The following PCSK6 variants were observed in gnomAD, a reference collection of about 807,000 sequenced individuals.
The protein encoded by PCSK6 is paired basic amino acid cleaving enzyme 4.
Under a neutral mutation model 123.3 loss-of-function variants are expected in PCSK6, and 85 were observed. That is an observed-to-expected ratio of 0.69 (90% CI 0.58 to 0.83). PCSK6 has a LOEUF of 0.83. PCSK6 is among the 40% of genes least tolerant of loss of function. The probability of loss-of-function intolerance (pLI) is 0.00; values close to 1 mark genes in which losing one functional copy is unlikely to be tolerated. For synonymous variants in PCSK6, 508 were observed against 516.0 expected, an observed-to-expected ratio of 0.98 and a Z score of 0.21; for missense variants, 1,191 against 1,282.3, an observed-to-expected ratio of 0.93 and a Z score of 1.09.
In PCSK6 at chr15:101,304,838, G is replaced by T; in HGVS notation, c.*420C>A. The T allele has an allele frequency of 5.8e-6, 1 of 173,026 alleles. No individual in the cohort carries two copies. The highest frequency in any genetic ancestry group is 1.2e-5 in the Non-Finnish European group (1 of 80,442). 10.7% of individuals were successfully genotyped at this position (173,026 alleles called of 1,614,324 possible). A position where few individuals can be genotyped will look rare whatever the true frequency, so the allele number is the denominator to read the frequency against. ...TTTGTCACATGTGAGGATGGCCCAG[G>T]GTTCGCCAGCTGGGCCGGGGAGATT... On this transcript the variant is annotated 3_prime_UTR_variant, in exon 22 of 22. Transcript: ENST00000611716.
At chr15:101,468,804 A>G (rs1352918402) in intron 1 of PCSK6, among the ~76,000 whole-genome samples, 2 of 152,230 alleles carry the variant, frequency 1.3e-5, no homozygotes, top group Non-Finnish European at 2.9e-5. Context: ...CCCGTCAGGC[A>G]AGGAGACAGA....
At chr15:101,468,320 G>A (rs761612822) in intron 1 of PCSK6, among the ~76,000 whole-genome samples, 1 of 152,084 alleles carries the variant, frequency 6.6e-6, no homozygotes, top group Non-Finnish European at 1.5e-5. Flanking sequence ...AGCCCTGGAT[G>A]GTCCATCTTC....
chr15:101,335,762 T>C (rs571783249), intron 13 of PCSK6, among the ~76,000 whole-genome samples: 1 of 152,328 alleles, frequency 6.6e-6, no homozygotes, highest in South Asian at 2.1e-4. Context: ...GTAGCTTAAC[T>C]ATGGGGATAC....
At chr15:101,327,679 C>T (rs975034221) in intron 15 of PCSK6, among the ~76,000 whole-genome samples, 1 of 152,190 alleles carries the variant, frequency 6.6e-6, no homozygotes, top group Admixed American at 6.5e-5. Flanking sequence ...TCCTCATTCT[C>T]TGCTGCCCAC....
intron 6 of PCSK6, among the ~76,000 whole-genome samples, chr15:101,418,793 G>A (rs550738096): frequency 1.3e-5 from 2 of 152,270 alleles, no homozygotes; most frequent in Middle Eastern, 6.8e-3. Flanking sequence ...GATTACAGGC[G>A]TGAGCCACTG....
intron 13 of PCSK6, among the ~76,000 whole-genome samples, chr15:101,333,916 GCCTCAA>G (rs1396384846): frequency 1.3e-5 from 2 of 152,184 alleles, no homozygotes; most frequent in African/African-American, 4.8e-5. Flanking sequence ...TTTAACCACA[GCCTCAA>G]CTGGCTAAGT....
At chr15:101,367,480 G>A (rs1203280428) in intron 12 of PCSK6, among the ~76,000 whole-genome samples, 1 of 152,178 alleles carries the variant, frequency 6.6e-6, no homozygotes, top group Non-Finnish European at 1.5e-5. Flanking sequence ...AACATTCTTT[G>A]CAATGGAGAA....
At chr15:101,385,713 G>A (rs540651449) in intron 9 of PCSK6, among the ~76,000 whole-genome samples, 5 of 152,252 alleles carry the variant, frequency 3.3e-5, no homozygotes, top group Admixed American at 3.3e-4. Context: ...TATGCAACCT[G>A]GATATTTGAA....
chr15:101,391,420 G>A (rs1295839611), intron 8 of PCSK6, among the ~76,000 whole-genome samples: 2 of 152,250 alleles, frequency 1.3e-5, no homozygotes, highest in East Asian at 3.8e-4. Context: ...AGCGAGCAGA[G>A]GGGCCTACCC....
intron 13 of PCSK6, among the ~76,000 whole-genome samples, chr15:101,340,407 G>A (rs2040574717): frequency 6.6e-6 from 1 of 152,156 alleles, no homozygotes; most frequent in African/African-American, 2.4e-5. Context: ...TGTGTACAAT[G>A]GACAACACAG....
At chr15:101,373,861 G>A (rs558821775) in intron 11 of PCSK6, among the ~76,000 whole-genome samples, 19 of 152,326 alleles carry the variant, frequency 1.2e-4, no homozygotes, top group South Asian at 6.2e-4. Flanking sequence ...TCACTGTCAC[G>A]TGAATACACC....
chr15:101,467,918 G>A lies in PCSK6; in HGVS notation c.297+21456C>T, dbSNP rs151019900. Among the ~76,000 whole-genome samples the A allele has an allele frequency of 1.0e-3, 152 of 152,360 alleles. No homozygotes were observed. The Middle Eastern group carries it at 0.014, about 14-fold the overall frequency. On this transcript the variant is annotated intron_variant, in intron 1 of 21. Transcript: ENST00000611716. ...GTGTCTGGCAGGTGGTAGGGTGCAA[G>A]GAACGCGTAGGTAATACTGGTAATA...
chr15:101,313,136 T>C, intron 20 of PCSK6: 1 of 1,456,638 alleles, frequency 6.9e-7, no homozygotes. Flanking sequence ...CTTGCTATTC[T>C]GCTTCCCATC....
chr15:101,430,090 G>A (rs1344421093), intron 4 of PCSK6, 27 bp from the exon 5 acceptor site: 1 of 1,596,882 alleles, frequency 6.3e-7, no homozygotes, highest in African/African-American at 1.3e-5. Context: ...TGGTGAGTGA[G>A]GAGAAATGGC....
intron 1 of PCSK6, among the ~76,000 whole-genome samples, chr15:101,451,112 CT>C (rs2057023441): frequency 6.6e-6 from 1 of 152,016 alleles, no homozygotes; most frequent in African/African-American, 2.4e-5. Context: ...GTGAATGTAG[CT>C]GGCTTCAAAC....
intron 1 of PCSK6, among the ~76,000 whole-genome samples, chr15:101,483,093 C>T (rs1008014172): frequency 5.3e-5 from 8 of 152,224 alleles, no homozygotes; most frequent in African/African-American, 1.4e-4. Flanking sequence ...AGGCCAGCCG[C>T]GCACAGCCAG....
intron 11 of PCSK6, among the ~76,000 whole-genome samples, chr15:101,371,697 C>T (rs555981977): frequency 1.1e-4 from 17 of 152,312 alleles, no homozygotes; most frequent in African/African-American, 3.8e-4. Context: ...CCAGAGCCCA[C>T]GCCTCTGCCT....
intron 1 of PCSK6, among the ~76,000 whole-genome samples, chr15:101,454,006 C>A (rs556895681): frequency 3.9e-5 from 6 of 152,322 alleles, no homozygotes; most frequent in African/African-American, 1.4e-4. Flanking sequence ...AGGGGGAGCC[C>A]GTCTGGCTCC....
rs1274290267 is a variant in PCSK6 at position 101,332,048 on chromosome 15, CCA to C, written c.1859-19_1859-18del. On this transcript the variant is annotated intron_variant, in intron 13 of 21. Transcript: ENST00000611716. ...TCAACTTCCCTGGAAGGCACCAAAC[CCA>C]CAGAGTTACCTGCCTGTGCCAAGAC... 6.3e-7 allele frequency: 1 copy of C among 1,577,030 alleles called. No homozygotes were observed. The highest frequency in any genetic ancestry group is 8.6e-7 in the Non-Finnish European group (1 of 1,157,180).
Sources: allele counts gnomAD v4.1 joint callset (sites outside exome capture counted in the v4.1 genomes callset), GRCh38; gene constraint gnomAD v4.1.1; transcripts MANE v1.5; gene names NCBI Gene and HGNC (gene_info 2026-07-23, HGNC 2026-07-21).